The following ABTB3 variants were observed in gnomAD, a reference collection of about 807,000 sequenced individuals.
ABTB3 encodes ankyrin repeat and BTB domain containing 3.
At chr12:107,503,861 G>C in the ABTB3 span, among the ~76,000 whole-genome samples, 1 of 152,028 alleles carries the variant, frequency 6.6e-6, no homozygotes, top group South Asian at 2.1e-4. Flanking sequence ...GTCCAAAAAG[G>C]CTTCTTGGGG....
the ABTB3 span, among the ~76,000 whole-genome samples, chr12:107,491,113 C>G: frequency 1.3e-5 from 2 of 151,396 alleles, no homozygotes; most frequent in South Asian, 4.2e-4. Context: ...GAGGAATCAG[C>G]CTGTCTCCAA....
the ABTB3 span, chr12:107,520,700 A>T: frequency 6.3e-7 from 1 of 1,590,048 alleles, no homozygotes; most frequent in Admixed American, 1.7e-5. Flanking sequence ...GCCCGAAGTG[A>T]CACAATGTCC....
the ABTB3 span, among the ~76,000 whole-genome samples, chr12:107,625,600 C>T: frequency 1.1e-4 from 16 of 152,038 alleles, no homozygotes; most frequent in Admixed American, 2.0e-4. Flanking sequence ...CTGGCTCCCA[C>T]GTAGTCTTCT....
the ABTB3 span, among the ~76,000 whole-genome samples, chr12:107,417,406 T>G: frequency 6.6e-6 from 1 of 152,178 alleles, no homozygotes; most frequent in Non-Finnish European, 1.5e-5. Flanking sequence ...TCATCTGCCT[T>G]CTCCTCTTCT....
the ABTB3 span, among the ~76,000 whole-genome samples, chr12:107,339,347 A>G: frequency 4.6e-5 from 7 of 152,278 alleles, no homozygotes; most frequent in African/African-American, 1.7e-4. Flanking sequence ...GTTGCACCGG[A>G]TTCTTGAAAA....
chr12:107,656,298 CA>C, the ABTB3 span, among the ~76,000 whole-genome samples: 176 of 141,148 alleles, frequency 1.2e-3, no homozygotes, highest in African/African-American at 1.2e-3. Context: ...GAGGCTCTGT[CA>C]AAAAAAAAAA....
chr12:107,403,885 G>A, the ABTB3 span, among the ~76,000 whole-genome samples: 8 of 152,232 alleles, frequency 5.3e-5, no homozygotes, highest in South Asian at 4.2e-4. Flanking sequence ...GCATATGGCC[G>A]GGCGCGGTGG....
At chr12:107,556,857 C>T in the ABTB3 span, among the ~76,000 whole-genome samples, 2 of 152,000 alleles carry the variant, frequency 1.3e-5, no homozygotes, top group African/African-American at 4.8e-5. Flanking sequence ...ACTAAAAATA[C>T]AAAAATTAGC....
the ABTB3 span, among the ~76,000 whole-genome samples, chr12:107,530,640 G>A: frequency 6.6e-6 from 1 of 152,252 alleles, no homozygotes; most frequent in African/African-American, 2.4e-5. Flanking sequence ...TTTAATATGA[G>A]GATTCTTTTT....
chr12:107,334,640 G>A, the ABTB3 span, among the ~76,000 whole-genome samples: 65 of 152,254 alleles, frequency 4.3e-4, no homozygotes, highest in Admixed American at 9.8e-4. Flanking sequence ...CAGGAGAGAG[G>A]ATGGTTTGGA....
chr12:107,574,549 C>A, the ABTB3 span, among the ~76,000 whole-genome samples: 4 of 152,246 alleles, frequency 2.6e-5, no homozygotes, highest in South Asian at 2.1e-4. Context: ...ATAGTGAAAC[C>A]CTGTCTCTAC....
the ABTB3 span, among the ~76,000 whole-genome samples, chr12:107,577,230 A>G: frequency 6.6e-5 from 10 of 152,174 alleles, no homozygotes; most frequent in African/African-American, 2.4e-4. Flanking sequence ...TTTTACAGAA[A>G]AGGTTTGCTG....
chr12:107,469,549 C>T, the ABTB3 span, among the ~76,000 whole-genome samples: 5 of 152,110 alleles, frequency 3.3e-5, no homozygotes, highest in Admixed American at 1.3e-4. Context: ...CCGTCATGTA[C>T]GGGGGTGGAG....
the ABTB3 span, among the ~76,000 whole-genome samples, chr12:107,518,845 T>TTAG: frequency 6.6e-5 from 10 of 152,186 alleles, no homozygotes; most frequent in Non-Finnish European, 1.2e-4. Flanking sequence ...ACTTAATACT[T>TTAG]GTTCTTTAGG....
the ABTB3 span, among the ~76,000 whole-genome samples, chr12:107,387,972 C>CTTCTTCTT: frequency 8.3e-6 from 1 of 120,206 alleles, no homozygotes; most frequent in Non-Finnish European, 1.7e-5. Context: ...TCTTCTTCTT[C>CTTCTTCTT]TTTTTTTTTT....
the ABTB3 span, among the ~76,000 whole-genome samples, chr12:107,360,930 A>ATTTTTTTTTTTTTTTTTT: frequency 3.6e-5 from 3 of 84,436 alleles, no homozygotes; most frequent in African/African-American, 1.0e-4. Flanking sequence ...ATTTAATTTA[A>ATTTTTTTTTTTTTTTTTT]TTTTTTTTTT....
At chr12:107,517,120 A>G in the ABTB3 span, among the ~76,000 whole-genome samples, 1 of 152,196 alleles carries the variant, frequency 6.6e-6, no homozygotes, top group Admixed American at 6.5e-5. Context: ...TTTGTTAAAT[A>G]GGGAATCCTT....
At chr12:107,455,479 C>T in the ABTB3 span, among the ~76,000 whole-genome samples, 1 of 151,242 alleles carries the variant, frequency 6.6e-6, no homozygotes, top group Admixed American at 6.6e-5. Flanking sequence ...ATAGTGAGCT[C>T]CTGAAGGTTG....
chr12:107,644,501 C>T, the ABTB3 span, among the ~76,000 whole-genome samples: 1 of 152,202 alleles, frequency 6.6e-6, no homozygotes, highest in Non-Finnish European at 1.5e-5. Flanking sequence ...ACATTAGCAG[C>T]TCTCAGAATA....
Sources: gnomAD v4.1 joint callset for allele counts (sites outside exome capture counted in the v4.1 genomes callset) on GRCh38, gnomAD v4.1.1 for gene constraint, MANE v1.5 for transcripts, NCBI Gene and HGNC (gene_info 2026-07-23, HGNC 2026-07-21) for gene names.